Variants in FUBP3 observed in about 807,000 individuals in gnomAD.
FUBP3 encodes the protein far upstream element-binding protein 3.
Under a neutral mutation model 85.6 loss-of-function variants are expected in FUBP3, and 28 were observed. That is an observed-to-expected ratio of 0.33 (90% confidence interval 0.24 to 0.45). The LOEUF (loss-of-function observed/expected upper bound fraction) is 0.45, where lower values mean the gene tolerates loss of function less well. FUBP3 is among the 20% of genes least tolerant of loss of function. The pLI is 1.00. For synonymous variants in FUBP3, 271 were observed against 271.4 expected (o/e 1.00, Z 0.01); for missense variants, 583 against 755.1 (o/e 0.77, Z 2.67).
intron 2 of FUBP3, among the ~76,000 whole-genome samples, chr9:130,606,543 G>A (rs568630963): frequency 3.2e-4 from 48 of 152,142 alleles, no homozygotes; most frequent in Middle Eastern, 6.8e-3. Flanking sequence ...TGATGTGGCC[G>A]GGCGCGGTGG....
Position 130,611,606 on chromosome 9 carries a change from G to A in FUBP3, c.225-850G>A, listed in dbSNP as rs528317729. 4.6e-5 allele frequency among the ~76,000 whole-genome samples: 7 copies of A among 150,728 alleles called. No homozygotes were observed. In the South Asian group the frequency reaches 1.5e-3, roughly 32 times the overall value. ...ACTTATTCAATCCTTTCTGTGATGG[G>A]TAAAAACCCAGCTGTGTGAGAGATG... On this transcript the variant is annotated intron_variant, in intron 3 of 18. Transcript: ENST00000319725.
chr9:130,616,982 C>T lies in FUBP3; in HGVS notation c.567+465C>T, dbSNP rs747019506. Among the ~76,000 whole-genome samples, 3 of 152,132 alleles carry T rather than the reference C, an allele frequency of 2.0e-5. No homozygotes were observed. Among genetic ancestry groups the T allele is most frequent in the Non-Finnish European group, 4.4e-5 (3 of 68,022 alleles). ...GTTGTGATGGAGCTAAAATAATAGC[C>T]GTTCTTTTCTTTTTATGTAAGAGCC... is the stretch of plus-strand genomic sequence containing the variant. On this transcript the variant is annotated intron_variant, in intron 7 of 18. Coordinates refer to ENST00000319725, the MANE Select transcript of FUBP3 (RefSeq NM_003934.2). The surrounding 1 kb of genome is among the most constrained non-coding windows in gnomAD (Gnocchi z 4.7).
At position 130,635,809 on chromosome 9, in the gene FUBP3, C is replaced by G. The variant is rs886471692; in HGVS notation, c.1583-190C>G. 1 of 600,878 alleles carries G rather than the reference C, an allele frequency of 1.7e-6. No homozygotes were observed. Among genetic ancestry groups the G allele is most frequent in the African/African-American group, 1.9e-5 (1 of 53,918 alleles). 37.2% of individuals were successfully genotyped at this position (600,878 alleles called of 1,614,324 possible). ...TGGTCTTCACAGGCATAGCAGGGGC[C>G]GGGCAACAAGAGGCTAACAGCACCT... On this transcript the variant is annotated intron_variant, in intron 17 of 18. Transcript: ENST00000319725. The surrounding 1 kb of genome is among the most constrained non-coding windows in gnomAD (Gnocchi z 4.3).
At chr9:130,597,347 A>G (rs1291151249) in intron 2 of FUBP3, among the ~76,000 whole-genome samples, 1 of 152,184 alleles carries the variant, frequency 6.6e-6, no homozygotes, top group Non-Finnish European at 1.5e-5. Context: ...TTCAAGGGAA[A>G]GTTAGAAAGT....
intron 8 of FUBP3, among the ~76,000 whole-genome samples, chr9:130,618,309 C>G (rs1326336041): frequency 1.3e-5 from 2 of 152,136 alleles, no homozygotes; most frequent in Non-Finnish European, 2.9e-5. Flanking sequence ...ATTTGCTGAC[C>G]TGGGGTCAGC....
At chr9:130,622,684 G>C (rs372051728) in intron 9 of FUBP3, 24 bp from the exon 10 acceptor site, 1 of 1,171,004 alleles carries the variant, frequency 8.5e-7, no homozygotes, top group Middle Eastern at 2.0e-4. Flanking sequence ...AAGTTCTGAT[G>C]TGGTTTGGTT....
intron 2 of FUBP3, among the ~76,000 whole-genome samples, chr9:130,596,372 CTG>C (rs1221955082): frequency 6.6e-6 from 1 of 152,010 alleles, no homozygotes; most frequent in Admixed American, 6.6e-5. Context: ...GTACATATTT[CTG>C]TGATGTATTA....
Position 130,630,619 on chromosome 9 carries a change from T to G in FUBP3, c.1118-9T>G, listed in dbSNP as rs1405262217. The G allele has an allele frequency of 6.3e-7, 1 of 1,584,468 alleles. No individual in the cohort carries two copies. Among genetic ancestry groups the G allele is most frequent in the South Asian group, 1.1e-5 (1 of 88,500 alleles). On this transcript the variant is annotated splice_polypyrimidine_tract_variant and intron_variant, in intron 12 of 18. Coordinates refer to ENST00000319725, the MANE Select transcript of FUBP3 (RefSeq NM_003934.2). Reference sequence around the variant, plus strand: ...GCTTACTCTTCTGCCTGTGTTGTGCTGTCCGCAGGGGGTGAGAACATCAAA... The same window carrying G: ...GCTTACTCTTCTGCCTGTGTTGTGCGGTCCGCAGGGGGTGAGAACATCAAA...
intron 2 of FUBP3, among the ~76,000 whole-genome samples, chr9:130,603,779 A>T (rs927701865): frequency 2.6e-5 from 4 of 152,186 alleles, no homozygotes; most frequent in Admixed American, 2.6e-4. Context: ...TTGCCAAATT[A>T]AAAGAGGATT....
intron 1 of FUBP3, among the ~76,000 whole-genome samples, chr9:130,589,708 T>G (rs1176961838): frequency 1.1e-5 from 1 of 88,218 alleles, no homozygotes; most frequent in Admixed American, 1.4e-4. Flanking sequence ...TATATATATT[T>G]TTTTTTTTTT....
At chr9:130,620,507 T>A in intron 9 of FUBP3, 49 bp downstream of exon 9, 1 of 889,318 alleles carries the variant, frequency 1.1e-6, no homozygotes, top group Non-Finnish European at 1.8e-6. Flanking sequence ...GGACTAAAGT[T>A]GTAGGTCACA....
chr9:130,622,428 TC>T (rs1413697599), intron 9 of FUBP3, among the ~76,000 whole-genome samples: 48 of 151,700 alleles, frequency 3.2e-4, no homozygotes, highest in Non-Finnish European at 1.8e-4. Flanking sequence ...GGTCTGGAGT[TC>T]AAGACCAGCC....
At chr9:130,624,069 A>G (rs896001108) in intron 11 of FUBP3, among the ~76,000 whole-genome samples, 1 of 152,238 alleles carries the variant, frequency 6.6e-6, no homozygotes, top group African/African-American at 2.4e-5. Context: ...AAGACACTTC[A>G]GGGTCCTCCA....
At position 130,589,668 on chromosome 9, in the gene FUBP3, TGTGTGTGTATATATATATA is replaced by T. The variant is rs1830499857; in HGVS notation, c.85-5814_85-5796del. On this transcript the variant is annotated intron_variant, in intron 1 of 18. Transcript: ENST00000319725. Reference sequence around the variant, plus strand: ...CAGATTTATTTTAAATATGTATGTATGTGTGTGTATATATATATATATATATATATATATATATTTTTTT... The same window carrying T: ...CAGATTTATTTTAAATATGTATGTATTATATATATATATATATATTTTTTT... Among the ~76,000 whole-genome samples, 3 of 100,778 alleles carry T rather than the reference TGTGTGTGTATATATATATA, an allele frequency of 3.0e-5. 1 individual carries two copies. Among genetic ancestry groups the T allele is most frequent in the African/African-American group, 1.0e-4 (2 of 19,956 alleles). 66.1% of individuals were successfully genotyped at this position (100,778 alleles called of 152,430 possible).
intron 2 of FUBP3, chr9:130,596,768 T>G: frequency 3.3e-6 from 1 of 302,926 alleles, no homozygotes; most frequent in Non-Finnish European, 6.7e-6. Flanking sequence ...TGAAGTATTT[T>G]ATTTTATTTG....
At chr9:130,629,446 A>G (rs1255077973) in intron 12 of FUBP3, among the ~76,000 whole-genome samples, 1 of 152,242 alleles carries the variant, frequency 6.6e-6, no homozygotes, top group Non-Finnish European at 1.5e-5. Flanking sequence ...CCGTAAGGGC[A>G]GCCCCTGCTG....
At chr9:130,624,646 TG>T (rs1829895170) in intron 11 of FUBP3, among the ~76,000 whole-genome samples, 1 of 151,444 alleles carries the variant, frequency 6.6e-6, no homozygotes, top group Non-Finnish European at 1.5e-5. Flanking sequence ...TGTGTGTGTG[TG>T]TGTGTTTTTA....
intron 1 of FUBP3, among the ~76,000 whole-genome samples, chr9:130,594,152 T>G (rs1434437428): frequency 6.6e-6 from 1 of 152,122 alleles, no homozygotes; most frequent in East Asian, 1.9e-4. Flanking sequence ...CTGGGTACCA[T>G]GACTCACACC....
chr9:130,632,101 C>G, intron 15 of FUBP3, 79 bp downstream of exon 15: 1 of 1,460,612 alleles, frequency 6.8e-7, no homozygotes, highest in Non-Finnish European at 9.6e-7. Context: ...GGCAAGGGTC[C>G]GGTGATGCTT....
Sources: gnomAD v4.1 joint callset for allele counts (sites outside exome capture counted in the v4.1 genomes callset) on GRCh38, gnomAD v4.1.1 for gene constraint, Gnocchi (gnomAD v3.1) non-coding constraint, MANE v1.5 for transcripts, NCBI Gene and HGNC (gene_info 2026-07-23, HGNC 2026-07-21) for gene names.